NFATC2: variants seen among roughly 807,000 people sequenced by gnomAD.
NFATC2 encodes nuclear factor of activated T-cells, cytoplasmic 2.
A neutral mutation model predicts 87.3 loss-of-function variants in NFATC2; 22 were observed. That is an observed-to-expected ratio of 0.25 (90% confidence interval 0.18 to 0.36). The LOEUF (loss-of-function observed/expected upper bound fraction) is 0.36. Ranked by LOEUF, NFATC2 falls within the 10% of genes least tolerant of loss-of-function variation. NFATC2 has a pLI of 1.00. For missense variants in NFATC2, 1,149 were observed against 1,259.1 expected (o/e 0.91, Z 1.32); for synonymous variants, 565 against 542.2 (o/e 1.04, Z -0.58).
At chr20:51,414,147 C>G (rs1266882356) in intron 9 of NFATC2, among the ~76,000 whole-genome samples, 2 of 150,706 alleles carry the variant, frequency 1.3e-5, no homozygotes, top group African/African-American at 4.9e-5. Flanking sequence ...GGGTGGACGT[C>G]AGCAAATGTT....
chr20:51,542,260 A>C (rs1600997813), intron 1 of NFATC2, 110 bp downstream of exon 1: 1 of 1,354,624 alleles, frequency 7.4e-7, no homozygotes, highest in Non-Finnish European at 9.8e-7. Context: ...CCCTCCCTCC[A>C]GGCCCCTTAG....
At chr20:51,411,630 C>T (rs1409761345) in intron 9 of NFATC2, among the ~76,000 whole-genome samples, 2 of 147,104 alleles carry the variant, frequency 1.4e-5, no homozygotes, top group African/African-American at 5.0e-5. Context: ...CAGGTTCATG[C>T]GATTCTCCTG....
At chr20:51,508,260 C>T (rs533039941) in intron 3 of NFATC2, among the ~76,000 whole-genome samples, 8 of 152,102 alleles carry the variant, frequency 5.3e-5, no homozygotes, top group Admixed American at 2.0e-4. Context: ...GGTCTCACCA[C>T]GCCACCTCTC....
At position 51,398,568 on chromosome 20, in the gene NFATC2, C is replaced by CT. The variant is rs1987581705; in HGVS notation, c.*44+74dup. 2.9e-5 allele frequency: 26 copies of CT among 899,926 alleles called. No individual in the cohort carries two copies. The Admixed American group carries it at 3.4e-4, about 12-fold the overall frequency. The allele number at this position is 899,926 out of a possible 1,614,324, so 55.7% of individuals were successfully genotyped here. The stretch of plus-strand genomic sequence containing the variant: ...GCCTGTCAAGTTTTCTTATACTTTA[C>CT]TTAAAAAAAAAAAAATTCAAGTTAA... On this transcript the variant is annotated intron_variant, in intron 10 of 10. Transcript: ENST00000371564.
intron 1 of NFATC2, among the ~76,000 whole-genome samples, chr20:51,551,784 T>C (rs1429871408): frequency 6.6e-6 from 1 of 152,040 alleles, no homozygotes; most frequent in Non-Finnish European, 1.5e-5. Flanking sequence ...TCCCAGCACA[T>C]TGGGAGGCCA....
Position 51,433,735 on chromosome 20 carries a change from G to A in NFATC2, c.2033-979C>T, listed in dbSNP as rs147643520. 4.9e-3 allele frequency among the ~76,000 whole-genome samples: 742 copies of A among 150,242 alleles called. 3 individuals are homozygous for A. The highest frequency in any genetic ancestry group is 7.4e-3 in the Non-Finnish European group (503 of 67,774). On this transcript the variant is annotated intron_variant, in intron 8 of 10. Transcript: ENST00000371564. ...CAAGTGTGTGTGCATGTGTGTGTGC[G>A]CATGCGTGTGTGTTCATGCATGCAT...
intron 5 of NFATC2, among the ~76,000 whole-genome samples, chr20:51,465,110 G>A (rs1174748271): frequency 1.3e-5 from 2 of 152,198 alleles, no homozygotes; most frequent in African/African-American, 2.4e-5. Context: ...AATCACAGCT[G>A]GGCGTGGTGG....
chr20:51,398,563 C>T, intron 10 of NFATC2, 80 bp downstream of exon 10: 2 of 889,506 alleles, frequency 2.2e-6, no homozygotes, highest in Non-Finnish European at 3.1e-6. Flanking sequence ...TTTTCTTATA[C>T]TTTACTTAAA....
chr20:51,408,002 A>G (rs1198452832), intron 9 of NFATC2, among the ~76,000 whole-genome samples: 2 of 152,150 alleles, frequency 1.3e-5, no homozygotes, highest in Admixed American at 6.5e-5. Context: ...CCTTCCAACC[A>G]AAGTCCTCTG....
Position 51,523,222 on chromosome 20 carries a change from C to A in NFATC2, c.1019G>T (p.Gly340Val). Residue 340 changes from glycine to valine, a missense_variant, in exon 2 of 11, where the codon GGC (glycine) becomes GTC (valine). Physicochemically the swap from Gly to Val is moderately radical, Grantham distance 109. Transcript: ENST00000371564. The surrounding 1 kb of genome is among the most constrained non-coding windows in gnomAD (Gnocchi z 6.9). ...SPVSAAPSKA[G>V]LPRHIYPAVE... is the part of the protein sequence containing the mutation. ...GGCCGGGTAGATGTGGCGAGGCAGG[C>A]CGGCCTTGGATGGGGCGGCAGACAC... 1 of 1,613,780 alleles carries A rather than the reference C, an allele frequency of 6.2e-7. No homozygotes were observed. Among genetic ancestry groups the A allele is most frequent in the Non-Finnish European group, 8.5e-7 (1 of 1,179,818 alleles).
chr20:51,396,787 A>G (rs1987213498), intron 10 of NFATC2, among the ~76,000 whole-genome samples: 1 of 152,002 alleles, frequency 6.6e-6, no homozygotes, highest in Non-Finnish European at 1.5e-5. Flanking sequence ...GTCAGGATGC[A>G]TGAACCTGAA....
intron 3 of NFATC2, among the ~76,000 whole-genome samples, chr20:51,510,562 G>A (rs2076256757): frequency 6.6e-6 from 1 of 152,122 alleles, no homozygotes; most frequent in African/African-American, 2.4e-5. Flanking sequence ...AAGATTCATT[G>A]GTTCCTCTGA....
intron 6 of NFATC2, among the ~76,000 whole-genome samples, chr20:51,440,662 T>C (rs1041016182): frequency 7.9e-5 from 12 of 152,126 alleles, no homozygotes; most frequent in South Asian, 2.1e-4. Flanking sequence ...TACCAGAAGC[T>C]CCAAGGGCAG....
chr20:51,484,243 G>A (rs1219501162), intron 3 of NFATC2, among the ~76,000 whole-genome samples: 1 of 151,960 alleles, frequency 6.6e-6, no homozygotes, highest in East Asian at 1.9e-4. Context: ...GACCTGCAGG[G>A]CTCACCCCAC....
intron 3 of NFATC2, among the ~76,000 whole-genome samples, chr20:51,509,580 T>C (rs1429464995): frequency 3.3e-5 from 5 of 152,122 alleles, no homozygotes; most frequent in African/African-American, 1.2e-4. Flanking sequence ...TCAAGACAAA[T>C]TAGCATCAGC....
At position 51,475,605 on chromosome 20, in the gene NFATC2, G is replaced by C. The variant is rs764825314; in HGVS notation, c.1388C>G (p.Ala463Gly). 6.2e-7 allele frequency: 1 copy of C among 1,614,190 alleles called. No individual in the cohort carries two copies. Among genetic ancestry groups the C allele is most frequent in the South Asian group, 1.1e-5 (1 of 91,074 alleles). ...PLGLQIFIGT[A>G]DERILKPHAF... ...GTGCGGCTTAAGGATCCGCTCATCAGCTGTCCCAATGAAGATCTGAAGTCC... is the reference window on the plus strand; with the variant it reads ...GTGCGGCTTAAGGATCCGCTCATCACCTGTCCCAATGAAGATCTGAAGTCC... The change falls in exon 4 of 11, where the codon GCT (alanine) becomes GGT (glycine). Residue 463 changes from alanine (A) to glycine (G), a missense_variant. By Grantham distance (60) the Ala-to-Gly change is moderately conservative. Transcript: ENST00000371564.
intron 9 of NFATC2, among the ~76,000 whole-genome samples, chr20:51,420,485 G>T (rs984467875): frequency 6.6e-5 from 10 of 152,180 alleles, no homozygotes; most frequent in Non-Finnish European, 2.9e-5. Context: ...ACTGGCAAAA[G>T]CCAGACTGAA....
chr20:51,535,556 G>A (rs1475255015), intron 1 of NFATC2, among the ~76,000 whole-genome samples: 2 of 152,080 alleles, frequency 1.3e-5, no homozygotes, highest in African/African-American at 4.8e-5. Flanking sequence ...CCTGGGGGTG[G>A]GCACACTTCA....
chr20:51,464,752 C>T (rs896239922), intron 5 of NFATC2, among the ~76,000 whole-genome samples: 12 of 152,218 alleles, frequency 7.9e-5, no homozygotes, highest in Admixed American at 5.9e-4. Flanking sequence ...GAGATGATGC[C>T]ACCCTTTGGG....
Sources: gnomAD v4.1 joint callset for allele counts (sites outside exome capture counted in the v4.1 genomes callset) on GRCh38, gnomAD v4.1.1 for gene constraint, Gnocchi (gnomAD v3.1) non-coding constraint, MANE v1.5 for transcripts, NCBI Gene and HGNC (gene_info 2026-07-23, HGNC 2026-07-21) for gene names.